SNX29: variants seen among roughly 807,000 people sequenced by gnomAD.
SNX29 encodes the protein sorting nexin-29.
SNX29 carries 78 observed loss-of-function variants against 102.1 expected under a neutral mutation model. That is an observed-to-expected ratio of 0.76 (90% CI 0.64 to 0.92). The LOEUF is 0.92. Ranked by LOEUF, SNX29 falls within the 40% of genes least tolerant of loss-of-function variation. The pLI, the probability that SNX29 is intolerant of heterozygous loss-of-function variation, is 0.00. For synonymous variants in SNX29, 580 were observed against 414.5 expected (o/e 1.40, Z -4.85); for missense variants, 1,280 against 1,061.7 (o/e 1.21, Z -2.86).
At chr16:12,020,809 A>C (rs993593600) in intron 3 of SNX29, among the ~76,000 whole-genome samples, 1 of 151,808 alleles carries the variant, frequency 6.6e-6, no homozygotes, top group Non-Finnish European at 1.5e-5. Context: ...TTTTTAGTAG[A>C]GATGGGGTTT....
At chr16:12,564,887 T>C (rs2078928854) in intron 20 of SNX29, among the ~76,000 whole-genome samples, 1 of 149,188 alleles carries the variant, frequency 6.7e-6, no homozygotes. Flanking sequence ...CTGAGGATCC[T>C]GTGGGGAGGA....
intron 16 of SNX29, 117 bp downstream of exon 16, chr16:12,356,396 A>G: frequency 2.4e-6 from 2 of 821,948 alleles, no homozygotes; most frequent in Non-Finnish European, 3.8e-6. Context: ...ATTTGCCCAC[A>G]TTCACCTCTG....
intron 4 of SNX29, among the ~76,000 whole-genome samples, chr16:12,042,188 A>G (rs1299442042): frequency 4.6e-5 from 7 of 151,816 alleles, no homozygotes; most frequent in East Asian, 3.9e-4. Context: ...GCGCCACCAT[A>G]CCCAGCTAAT....
intron 18 of SNX29, among the ~76,000 whole-genome samples, chr16:12,471,111 A>T (rs34967165): frequency 0.24 from 36,051 of 152,006 alleles, 5,067 homozygotes; most frequent in South Asian, 0.38. Context: ...CTTTGGGCTA[A>T]AGACGCCCGT....
chr16:12,572,143 C>A lies in SNX29; in HGVS notation c.*3514C>A. On this transcript the variant is annotated 3_prime_UTR_variant, in exon 21 of 21. Coordinates refer to ENST00000566228, the MANE Select transcript of SNX29 (RefSeq NM_032167.5). Reference sequence around the variant, plus strand: ...CTTGGCCCTGCTTCATACTTTGGAGCTTATTAAGATCAATTTTGATAACCA... The same window carrying A: ...CTTGGCCCTGCTTCATACTTTGGAGATTATTAAGATCAATTTTGATAACCA... 3.0e-6 allele frequency: 3 copies of A among 999,440 alleles called. No individual in the cohort carries two copies. Among genetic ancestry groups the A allele is most frequent in the Non-Finnish European group, 3.7e-6 (3 of 819,934 alleles). 61.9% of individuals were successfully genotyped at this position (999,440 alleles called of 1,614,324 possible). A position where few individuals can be genotyped will look rare whatever the true frequency, so the allele number is the denominator to read the frequency against.
chr16:11,984,031 T>A (rs1191714834), intron 1 of SNX29, among the ~76,000 whole-genome samples: 1 of 152,078 alleles, frequency 6.6e-6, no homozygotes, highest in Non-Finnish European at 1.5e-5. Flanking sequence ...CAAAAAAGTG[T>A]CTAAAAAGTG....
chr16:12,282,108 A>AAG (rs1491128957), intron 15 of SNX29, among the ~76,000 whole-genome samples: 11 of 147,012 alleles, frequency 7.5e-5, no homozygotes, highest in Non-Finnish European at 1.2e-4. Context: ...AAAAAAAAAA[A>AAG]TGCAGAGCTG....
chr16:12,212,242 T>G (rs2142047281), intron 14 of SNX29, among the ~76,000 whole-genome samples: 1 of 152,192 alleles, frequency 6.6e-6, no homozygotes, highest in African/African-American at 2.4e-5. Flanking sequence ...GACTGAAAAC[T>G]GATTGTGTGC....
At position 11,995,764 on chromosome 16, in the gene SNX29, C is replaced by T. The variant is rs536254972; in HGVS notation, c.8-3533C>T. On this transcript the variant is annotated intron_variant, in intron 1 of 20. Transcript: ENST00000566228. ...CAGTGTCAGCTCCACTGGAAGCTTA[C>T]GAGAAACACAGAGTTGGCAGGGCAC... 5.9e-5 allele frequency among the ~76,000 whole-genome samples: 9 copies of T among 151,830 alleles called. No individual in the cohort carries two copies. In the East Asian group the frequency reaches 7.7e-4, roughly 13 times the overall value.
At chr16:12,557,103 C>T (rs1010622801) in intron 20 of SNX29, among the ~76,000 whole-genome samples, 1 of 151,226 alleles carries the variant, frequency 6.6e-6, no homozygotes, top group Non-Finnish European at 1.5e-5. Flanking sequence ...GCTGCCTCAA[C>T]CTCCGAAAGT....
At chr16:12,159,266 G>A (rs977442169) in intron 13 of SNX29, among the ~76,000 whole-genome samples, 1 of 152,218 alleles carries the variant, frequency 6.6e-6, no homozygotes, top group Non-Finnish European at 1.5e-5. Flanking sequence ...ATTGTAGGGA[G>A]TTGGCTTCAT....
chr16:12,195,546 C>A (rs972851218), intron 13 of SNX29, among the ~76,000 whole-genome samples: 1 of 152,196 alleles, frequency 6.6e-6, no homozygotes, highest in Non-Finnish European at 1.5e-5. Context: ...GTTCCTTAGC[C>A]TCTCTTAGCA....
intron 19 of SNX29, among the ~76,000 whole-genome samples, chr16:12,517,996 G>A (rs372011978): frequency 6.6e-6 from 1 of 152,180 alleles, no homozygotes; most frequent in Non-Finnish European, 1.5e-5. Flanking sequence ...TGAGGGTCGG[G>A]GTGGGAGGTA....
chr16:12,214,801 G>A (rs2097388467), intron 14 of SNX29, among the ~76,000 whole-genome samples: 1 of 152,156 alleles, frequency 6.6e-6, no homozygotes, highest in Non-Finnish European at 1.5e-5. Flanking sequence ...GCTCCAGGAA[G>A]CCATCCATGA....
chr16:12,536,390 A>G (rs145985767), intron 20 of SNX29, among the ~76,000 whole-genome samples: 2 of 152,054 alleles, frequency 1.3e-5, no homozygotes, highest in Non-Finnish European at 2.9e-5. Flanking sequence ...CTTTCACATT[A>G]AAGGTACAAG....
chr16:12,439,577 A>G (rs1029048669), intron 18 of SNX29, among the ~76,000 whole-genome samples: 1 of 152,200 alleles, frequency 6.6e-6, no homozygotes, highest in Non-Finnish European at 1.5e-5. Flanking sequence ...TAAAAGCATC[A>G]GATCTCGTGA....
In SNX29 at chr16:12,569,571, T is replaced by C. The variant is rs1054916789; in HGVS notation, c.*942T>C. On this transcript the variant is annotated 3_prime_UTR_variant, in exon 21 of 21. Transcript: ENST00000566228. The stretch of plus-strand genomic sequence containing the variant: ...CTTAACAGATCATGTGTCTCTCCAC[T>C]AAAAACATTTTCCATCCCGTCTGCC... 8.7e-6 allele frequency: 2 copies of C among 230,692 alleles called. No individual in the cohort carries two copies. Among genetic ancestry groups the C allele is most frequent in the African/African-American group, 4.4e-5 (2 of 45,192 alleles). 14.3% of individuals were successfully genotyped at this position (230,692 alleles called of 1,614,324 possible).
chr16:12,155,585 C>G (rs2055512236), intron 13 of SNX29, among the ~76,000 whole-genome samples: 1 of 152,086 alleles, frequency 6.6e-6, no homozygotes, highest in Non-Finnish European at 1.5e-5. Flanking sequence ...AACTGGGGAC[C>G]AAATGAGAGG....
chr16:12,124,868 T>C (rs1477177988), intron 11 of SNX29, among the ~76,000 whole-genome samples: 2 of 152,206 alleles, frequency 1.3e-5, no homozygotes, highest in Non-Finnish European at 2.9e-5. Context: ...TGTTTGCCTT[T>C]CAGCGGTAGG....
Sources: allele counts gnomAD v4.1 joint callset (sites outside exome capture counted in the v4.1 genomes callset), GRCh38; gene constraint gnomAD v4.1.1; transcripts MANE v1.5; gene names NCBI Gene and HGNC (gene_info 2026-07-23, HGNC 2026-07-21).